TBL1XR1: variants seen among roughly 807,000 people sequenced by gnomAD.
TBL1XR1 encodes the protein F-box-like/WD repeat-containing protein TBL1XR1.
In TBL1XR1, 5 loss-of-function variants were observed where a neutral mutation model predicts 66.9. The observed-to-expected ratio is 0.07, with a 90% CI of 0.04 to 0.16. The LOEUF (loss-of-function observed/expected upper bound fraction) is 0.16, where lower values mean the gene tolerates loss of function less well. TBL1XR1 is among the 10% of genes least tolerant of loss of function. The pLI, the probability that TBL1XR1 is intolerant of heterozygous loss-of-function variation, is 1.00. For missense variants in TBL1XR1, 238 were observed against 623.2 expected (o/e 0.38, Z 6.58); for synonymous variants, 210 against 206.0 (o/e 1.02, Z -0.17).
At position 177,064,994 on chromosome 3, in the gene TBL1XR1, A is replaced by G. The variant is rs752731987; in HGVS notation, c.-17T>C. On this transcript the variant is annotated 5_prime_UTR_variant, in exon 3 of 16. Transcript: ENST00000457928. ...TATACTCATCTTTATTCCCACTTAA[A>G]CCATGAGGTCACAACACAGGATATA... 2.6e-6 allele frequency: 4 copies of G among 1,526,650 alleles called. No homozygotes were observed. Among genetic ancestry groups the G allele is most frequent in the African/African-American group, 1.4e-5 (1 of 71,404 alleles). The allele number at this position is 1,526,650 out of a possible 1,614,324, so 94.6% of individuals were successfully genotyped here.
At chr3:177,135,333 GTATACATA>G (rs1389078524) in intron 1 of TBL1XR1, among the ~76,000 whole-genome samples, 1 of 53,818 alleles carries the variant, frequency 1.9e-5, no homozygotes, top group African/African-American at 6.8e-5. Context: ...GTGTGTGTGT[GTATACATA>G]TATATATATA....
chr3:177,135,695 T>C (rs182054890), intron 1 of TBL1XR1, among the ~76,000 whole-genome samples: 3 of 152,110 alleles, frequency 2.0e-5, no homozygotes, highest in Admixed American at 2.0e-4. Flanking sequence ...TTTGTATATA[T>C]TTCCAGTGAT....
intron 1 of TBL1XR1, chr3:177,196,504 C>T (rs1204377020): frequency 1.3e-5 from 2 of 148,390 alleles, no homozygotes; most frequent in Admixed American, 6.7e-5. Flanking sequence ...GGCGCCCCCG[C>T]CCCGGACGCG....
At chr3:177,148,635 A>C (rs999142389) in intron 1 of TBL1XR1, among the ~76,000 whole-genome samples, 74 of 152,112 alleles carry the variant, frequency 4.9e-4, no homozygotes, top group African/African-American at 1.7e-3. Context: ...GAATCACTTG[A>C]ACCCAGGAGG....
At chr3:177,161,798 AAT>A (rs1332584135) in intron 1 of TBL1XR1, among the ~76,000 whole-genome samples, 1 of 151,904 alleles carries the variant, frequency 6.6e-6, no homozygotes, top group Non-Finnish European at 1.5e-5. Context: ...AAAAAAAAAA[AAT>A]CTAAGACCCA....
chr3:177,071,653 G>C (rs9811738), intron 2 of TBL1XR1, among the ~76,000 whole-genome samples: 37,482 of 152,006 alleles, frequency 0.25, 4,969 homozygotes, highest in East Asian at 0.5. Context: ...GGCAATAAAT[G>C]CTCGCTCAAA....
At chr3:177,172,383 C>T (rs7641324) in intron 1 of TBL1XR1, among the ~76,000 whole-genome samples, 75,206 of 150,880 alleles carry the variant, frequency 0.5, 19,482 homozygotes, top group Non-Finnish European at 0.57. Context: ...AGAAAAGGAA[C>T]AAATCTCCTG....
At chr3:177,180,796 A>C (rs949606233) in intron 1 of TBL1XR1, among the ~76,000 whole-genome samples, 2 of 151,712 alleles carry the variant, frequency 1.3e-5, no homozygotes, top group African/African-American at 4.8e-5. Flanking sequence ...GAGTGCAATG[A>C]CATGATCTCA....
rs548783302 is a variant in TBL1XR1, at chr3:177,190,133, C to CAAAAAAAAAA, written c.-122+6978_-122+6987dup. Among the ~76,000 whole-genome samples the CAAAAAAAAAA allele has an allele frequency of 4.5e-4, 31 of 69,412 alleles. 1 individual carries two copies. The highest frequency in any genetic ancestry group is 1.7e-3 in the African/African-American group (27 of 15,774). The allele number at this position is 69,412 out of a possible 152,430, so 45.5% of individuals were successfully genotyped here. A position where few individuals can be genotyped will look rare whatever the true frequency, so the allele number is the denominator to read the frequency against. On this transcript the variant is annotated intron_variant, in intron 1 of 15. Transcript: ENST00000457928. ...GGGCAACAAGAGTGAAACTCCATCTCAAAAAAAAAAAAAAAAAAAAAAAAA... is the reference window on the plus strand; with the variant it reads ...GGGCAACAAGAGTGAAACTCCATCTCAAAAAAAAAAAAAAAAAAAAAAAAAAAAAAAAAAA...
At chr3:177,145,622 A>G (rs1730153731) in intron 1 of TBL1XR1, among the ~76,000 whole-genome samples, 1 of 152,258 alleles carries the variant, frequency 6.6e-6, no homozygotes, top group South Asian at 2.1e-4. Flanking sequence ...TGTACTTGAA[A>G]AGTGAAACAC....
intron 1 of TBL1XR1, among the ~76,000 whole-genome samples, chr3:177,157,667 G>A (rs1343065410): frequency 6.6e-6 from 1 of 152,020 alleles, no homozygotes; most frequent in Non-Finnish European, 1.5e-5. Flanking sequence ...GTCTTAGAGG[G>A]ATCTTTATTC....
chr3:177,084,763 A>C (rs1221887090), intron 2 of TBL1XR1, among the ~76,000 whole-genome samples: 1 of 152,256 alleles, frequency 6.6e-6, no homozygotes, highest in East Asian at 1.9e-4. Flanking sequence ...GTCCTCAGGC[A>C]AAGATCCGTC....
chr3:177,198,284 G>C (rs1280376203), upstream of TBL1XR1, among the ~76,000 whole-genome samples: 1 of 152,170 alleles, frequency 6.6e-6, no homozygotes, highest in East Asian at 1.9e-4. Flanking sequence ...ATGCCCAAAT[G>C]TACTGTGAAT....
intron 1 of TBL1XR1, chr3:177,194,078 G>C (rs979906179): frequency 2.6e-5 from 4 of 152,240 alleles, no homozygotes; most frequent in African/African-American, 9.7e-5. Context: ...TCCAATCCCA[G>C]AGGGGTAAAC....
At chr3:177,201,414 C>CAAAAAAA (rs557996871), upstream of TBL1XR1, among the ~76,000 whole-genome samples, 8 of 41,306 alleles carry the variant, frequency 1.9e-4, no homozygotes, top group Non-Finnish European at 4.0e-4. Context: ...GATTACATCT[C>CAAAAAAA]AAAAAAAAAA....
intron 13 of TBL1XR1, among the ~76,000 whole-genome samples, chr3:177,033,848 G>T (rs909837570): frequency 1.3e-5 from 2 of 152,138 alleles, no homozygotes; most frequent in Admixed American, 1.3e-4. Flanking sequence ...CAAATATCAT[G>T]TTCTGACTTG....
chr3:177,150,554 T>C (rs1456780129), intron 1 of TBL1XR1, among the ~76,000 whole-genome samples: 1 of 152,208 alleles, frequency 6.6e-6, no homozygotes, highest in African/African-American at 2.4e-5. Flanking sequence ...CAAAACAAAA[T>C]ACGATGTCTC....
chr3:177,038,282 A>T (rs945001473), intron 11 of TBL1XR1, 31 bp downstream of exon 11: 22 of 1,594,246 alleles, frequency 1.4e-5, no homozygotes, highest in Non-Finnish European at 1.7e-5. Flanking sequence ...GTTAATCATG[A>T]CCACTTTAAT....
At position 177,094,844 on chromosome 3, in the gene TBL1XR1, T is replaced by C. The variant is rs188923767; in HGVS notation, c.-46+3622A>G. ...GGAAAGGGTGGGGGATGGAGAGGGA[T>C]GAAAGACTACACACTGGGTACAGTG... On this transcript the variant is annotated intron_variant, in intron 2 of 15. Coordinates refer to ENST00000457928, the MANE Select transcript of TBL1XR1 (RefSeq NM_024665.7). 4.6e-5 allele frequency among the ~76,000 whole-genome samples: 7 copies of C among 151,902 alleles called. No individual in the cohort carries two copies. In the East Asian group the frequency reaches 1.4e-3, roughly 30 times the overall value.
Sources: allele counts gnomAD v4.1 joint callset (sites outside exome capture counted in the v4.1 genomes callset), GRCh38; gene constraint gnomAD v4.1.1; transcripts MANE v1.5; gene names NCBI Gene and HGNC (gene_info 2026-07-23, HGNC 2026-07-21).